LYST: variants seen among roughly 807,000 people sequenced by gnomAD.
LYST encodes lysosomal-trafficking regulator.
Under a neutral mutation model 413.6 loss-of-function variants are expected in LYST, and 192 were observed. The observed-to-expected ratio is 0.46, with a 90% CI of 0.41 to 0.52. The LOEUF (loss-of-function observed/expected upper bound fraction) is 0.52, where lower values mean the gene tolerates loss of function less well. Among genes scored for constraint, LYST ranks in the 20% least tolerant of loss-of-function variants. The probability of loss-of-function intolerance (pLI) is 0.00; values close to 1 mark genes in which losing one functional copy is unlikely to be tolerated. For synonymous variants in LYST, 1,525 were observed against 1,567.3 expected (o/e 0.97, Z 0.64); for missense variants, 3,815 against 4,499.9 (o/e 0.85, Z 4.35).
chr1:235,793,614 T>G lies in LYST; in HGVS notation c.4007-2A>C. The G allele has an allele frequency of 1.3e-6, 2 of 1,521,820 alleles. No individual in the cohort carries two copies. The highest frequency in any genetic ancestry group is 1.8e-6 in the Non-Finnish European group (2 of 1,097,514). 94.3% of individuals were successfully genotyped at this position (1,521,820 alleles called of 1,614,324 possible). On this transcript the variant is annotated splice_acceptor_variant, in intron 10 of 52. Coordinates refer to ENST00000389793, the MANE Select transcript of LYST (RefSeq NM_000081.4). LOFTEE classifies it high-confidence loss of function. Reference sequence around the variant, plus strand: ...GATCCACCAATACTCTCTGGCATGCTAAATTAAAGAAAGAGGGAAAAAATT... The same window carrying G: ...GATCCACCAATACTCTCTGGCATGCGAAATTAAAGAAAGAGGGAAAAAATT...
chr1:235,819,978 G>A (rs1230888974), intron 3 of LYST, among the ~76,000 whole-genome samples: 2 of 152,162 alleles, frequency 1.3e-5, no homozygotes, highest in East Asian at 1.9e-4. Context: ...CCTTTCTACA[G>A]GGAAAATAAC....
At chr1:235,827,345 G>C (rs896435595) in intron 3 of LYST, 4 of 727,882 alleles carry the variant, frequency 5.5e-6, no homozygotes, top group Non-Finnish European at 6.7e-6. Flanking sequence ...GTCCAGCCTG[G>C]GTGAAAAAGT....
chr1:235,663,889 G>T, intron 52 of LYST, 95 bp downstream of exon 52: 1 of 1,079,964 alleles, frequency 9.3e-7, no homozygotes, highest in Non-Finnish European at 1.4e-6. Context: ...GACTTCAATT[G>T]CACATTTCTT....
chr1:235,877,741 A>T (rs974730469), intron 1 of LYST, among the ~76,000 whole-genome samples: 7 of 151,522 alleles, frequency 4.6e-5, no homozygotes, highest in African/African-American at 1.7e-4. Flanking sequence ...CTATTCCGTG[A>T]GTACAGTTCT....
chr1:235,859,493 G>A (rs1389617353), intron 1 of LYST, among the ~76,000 whole-genome samples: 1 of 131,980 alleles, frequency 7.6e-6, no homozygotes, highest in Non-Finnish European at 1.5e-5. Context: ...TCTCTCCTGA[G>A]CACCAGGCCT....
rs1351716925 is a variant in LYST, at chr1:235,692,881, C to T, written c.10701+469G>A. ...ACAGATAATATAAAAATTATCCAGG[C>T]ATGGTGGCACGCACCTGTAGTCCCA... On this transcript the variant is annotated intron_variant, in intron 47 of 52. Coordinates refer to ENST00000389793, the MANE Select transcript of LYST (RefSeq NM_000081.4). Among the ~76,000 whole-genome samples, 6 of 151,900 alleles carry T rather than the reference C, an allele frequency of 3.9e-5. No individual in the cohort carries two copies. In the East Asian group the frequency reaches 9.7e-4, roughly 25 times the overall value.
intron 19 of LYST, 128 bp from the exon 20 acceptor site, chr1:235,770,425 G>C (rs755905436): frequency 5.8e-5 from 51 of 873,084 alleles, no homozygotes; most frequent in Non-Finnish European, 9.1e-5. Context: ...TTACATGTCT[G>C]CAAAAAGCCA....
At chr1:235,707,632 T>A (rs991853110) in intron 44 of LYST, among the ~76,000 whole-genome samples, 1 of 151,838 alleles carries the variant, frequency 6.6e-6, no homozygotes, top group Non-Finnish European at 1.5e-5. Context: ...CAAAAATAAA[T>A]AAATAAATAA....
chr1:235,773,366 C>T (rs148939514), intron 19 of LYST, among the ~76,000 whole-genome samples: 3 of 151,944 alleles, frequency 2.0e-5, no homozygotes, highest in African/African-American at 4.8e-5. Flanking sequence ...CGAGTATATG[C>T]TTCTATTCAC....
intron 47 of LYST, among the ~76,000 whole-genome samples, chr1:235,691,451 A>C (rs1660645846): frequency 6.6e-6 from 1 of 152,218 alleles, no homozygotes; most frequent in Non-Finnish European, 1.5e-5. Context: ...CTGAATAACC[A>C]GTCCATTTAG....
At chr1:235,714,265 G>A (rs1662646518) in intron 42 of LYST, among the ~76,000 whole-genome samples, 1 of 152,114 alleles carries the variant, frequency 6.6e-6, no homozygotes, top group African/African-American at 2.4e-5. Context: ...AGCTGGGATA[G>A]GACCATGCAT....
chr1:235,742,046 A>G (rs1480460972), intron 30 of LYST, among the ~76,000 whole-genome samples: 1 of 152,180 alleles, frequency 6.6e-6, no homozygotes, highest in Non-Finnish European at 1.5e-5. Flanking sequence ...TTTGTATGAG[A>G]TATCTAGAAC....
intron 1 of LYST, among the ~76,000 whole-genome samples, chr1:235,876,620 G>A (rs1422082367): frequency 6.6e-6 from 1 of 152,168 alleles, no homozygotes; most frequent in Non-Finnish European, 1.5e-5. Flanking sequence ...TTTTGTTCCT[G>A]GCAGATCGGA....
intron 1 of LYST, among the ~76,000 whole-genome samples, chr1:235,836,733 C>T (rs909496100): frequency 3.3e-5 from 5 of 152,028 alleles, no homozygotes; most frequent in Non-Finnish European, 7.4e-5. Flanking sequence ...CCAATGCCCA[C>T]CCAAAAAAGA....
chr1:235,695,719 G>A (rs974224762), intron 46 of LYST, among the ~76,000 whole-genome samples: 45 of 142,018 alleles, frequency 3.2e-4, no homozygotes, highest in Non-Finnish European at 6.1e-4. Flanking sequence ...TGCAAGCTCC[G>A]CCTCATGGGT....
At position 235,753,147 on chromosome 1, in the gene LYST, G is replaced by A; in HGVS notation, c.7357C>T (p.Gln2453Ter). 1 of 1,607,460 alleles carries A rather than the reference G, an allele frequency of 6.2e-7. No homozygotes were observed. The highest frequency in any genetic ancestry group is 8.5e-7 in the Non-Finnish European group (1 of 1,174,314). The change falls in exon 26 of 53, where the codon CAA (glutamine) becomes TAA (stop). Residue 2453 changes from glutamine (Q) to a stop codon, truncating the protein, a stop_gained. Coordinates refer to ENST00000389793, the MANE Select transcript of LYST (RefSeq NM_000081.4). LOFTEE classifies it high-confidence loss of function. ...ACCTTAGAACAAGAATTTAAAATTTGGAGAAGAAGTAAAAGAGCATTATGC... is the reference window on the plus strand; with the variant it reads ...ACCTTAGAACAAGAATTTAAAATTTAGAGAAGAAGTAAAAGAGCATTATGC... ...LLHNALLLLL[Q>*]ILNSCSKVAD...
chr1:235,876,229 AAAG>A (rs1269117979), intron 1 of LYST, among the ~76,000 whole-genome samples: 1 of 152,128 alleles, frequency 6.6e-6, no homozygotes, highest in Non-Finnish European at 1.5e-5. Flanking sequence ...CTCAAGAAAA[AAAG>A]AAAATACATT....
At chr1:235,738,136 GC>G in intron 31 of LYST, 1 of 1,608,680 alleles carries the variant, frequency 6.2e-7, no homozygotes, top group South Asian at 1.1e-5. Flanking sequence ...GACTTGGCAG[GC>G]GAACTTGCTC....
chr1:235,831,766 C>T (rs998862881), intron 2 of LYST, among the ~76,000 whole-genome samples: 11 of 152,028 alleles, frequency 7.2e-5, no homozygotes, highest in African/African-American at 2.4e-4. Flanking sequence ...ACGGCAATAA[C>T]CTCTATTATA....
Sources: allele counts gnomAD v4.1 joint callset (sites outside exome capture counted in the v4.1 genomes callset), GRCh38; gene constraint gnomAD v4.1.1; transcripts MANE v1.5; gene names NCBI Gene and HGNC (gene_info 2026-07-23, HGNC 2026-07-21).